HEATR5A: variants seen among roughly 807,000 people sequenced by gnomAD.
The protein encoded by HEATR5A is HEAT repeat-containing protein 5A.
A neutral mutation model predicts 218.8 loss-of-function variants in HEATR5A; 178 were observed. The ratio of observed to expected loss-of-function variants is 0.81; its 90% CI spans 0.72 to 0.92. HEATR5A has a LOEUF of 0.92. HEATR5A is among the 40% of genes least tolerant of loss of function. HEATR5A has a pLI of 0.00. For synonymous variants in HEATR5A, 864 were observed against 871.6 expected (o/e 0.99, Z 0.15); for missense variants, 2,420 against 2,418.9 (o/e 1.00, Z -0.01).
At chr14:31,354,849 A>G (rs1427348971) in intron 16 of HEATR5A, among the ~76,000 whole-genome samples, 1 of 152,200 alleles carries the variant, frequency 6.6e-6, no homozygotes, top group Non-Finnish European at 1.5e-5. Context: ...ATTTTTTACT[A>G]CTGAGAATTA....
chr14:31,339,449 C>T, intron 21 of HEATR5A, among the ~76,000 whole-genome samples: 1 of 67,466 alleles, frequency 1.5e-5, no homozygotes, highest in South Asian at 7.4e-4. Context: ...AACTGTGTCT[C>T]AAAAAAAAAA....
In HEATR5A at chr14:31,383,651, T is replaced by C; in HGVS notation, c.1466A>G (p.Asp489Gly). The C allele has an allele frequency of 1.2e-6, 2 of 1,613,972 alleles. No homozygotes were observed. The highest frequency in any genetic ancestry group is 1.7e-6 in the Non-Finnish European group (2 of 1,179,894). Residue 489 changes from aspartate (D) to glycine (G), a missense_variant, in exon 10 of 36, where the codon GAT (aspartate) becomes GGT (glycine). By Grantham distance (94) the Asp-to-Gly change is moderately conservative (BLOSUM62 -1). Coordinates refer to ENST00000543095, the MANE Select transcript of HEATR5A (RefSeq NM_015473.4). ...TCCAGTAAGCCGTTCAAGGCAACGA[T>C]CCAAGAGTGGTGTTAGGTAGGAGGG... ...ALPSYLTPLL[D>G]RCLERLTGHK... is the part of the protein sequence containing the mutation.
intron 7 of HEATR5A, among the ~76,000 whole-genome samples, chr14:31,388,336 GAT>G (rs1454759820): frequency 7.9e-5 from 12 of 152,138 alleles, no homozygotes; most frequent in African/African-American, 2.9e-4. Context: ...AAAGAAGGCA[GAT>G]ATCTCTTTGT....
intron 29 of HEATR5A, 105 bp downstream of exon 29, chr14:31,308,829 C>G: frequency 1.2e-6 from 1 of 834,640 alleles, no homozygotes; most frequent in Non-Finnish European, 1.8e-6. Context: ...GAGTTGAAAT[C>G]GTGCCACTGT....
intron 5 of HEATR5A, 132 bp from the exon 6 acceptor site, chr14:31,394,358 G>A: frequency 2.1e-6 from 1 of 486,306 alleles, no homozygotes; most frequent in South Asian, 4.6e-5. Context: ...ATGATTACAG[G>A]AATAATAAAT....
chr14:31,336,213 C>CATATATAT (rs371848651), intron 22 of HEATR5A, among the ~76,000 whole-genome samples: 68 of 90,674 alleles, frequency 7.5e-4, no homozygotes, highest in East Asian at 1.5e-3. Flanking sequence ...TATATACATA[C>CATATATAT]ATACATATAT....
chr14:31,403,744 A>T (rs1461105593), intron 1 of HEATR5A, among the ~76,000 whole-genome samples: 1 of 152,250 alleles, frequency 6.6e-6, no homozygotes, highest in African/African-American at 2.4e-5. Flanking sequence ...GTTGTAGCAA[A>T]CAATCAACAG....
chr14:31,375,924 T>TTTCTTTAAA (rs1902210664), intron 11 of HEATR5A, among the ~76,000 whole-genome samples: 1 of 152,206 alleles, frequency 6.6e-6, no homozygotes, highest in Non-Finnish European at 1.5e-5. Context: ...CCCAGGTACT[T>TTTCTTTAAA]TTCTTTAAAT....
At chr14:31,305,305 C>G (rs967148646) in intron 31 of HEATR5A, 128 bp from the exon 32 acceptor site, 11 of 939,554 alleles carry the variant, frequency 1.2e-5, no homozygotes, top group African/African-American at 1.7e-5. Context: ...CTCTGTCACA[C>G]AGGCTGGAGT....
Position 31,323,769 on chromosome 14 carries a change from C to T in HEATR5A, c.3583G>A (p.Glu1195Lys), listed in dbSNP as rs1370070294. The T allele has an allele frequency of 6.9e-6, 11 of 1,602,298 alleles. No individual in the cohort carries two copies. Among genetic ancestry groups the T allele is most frequent in the Non-Finnish European group, 9.4e-6 (11 of 1,169,644 alleles). The change falls in exon 24 of 36, where the codon GAA becomes AAA. Residue 1195 changes from glutamate to lysine, a missense_variant. By Grantham distance (56) the Glu-to-Lys change is moderately conservative. Transcript: ENST00000543095. ...TCATCCCCTTTATCTCCTTCTTCTTCTTGCATTGTATCCACACAAGTTACA... is the reference window on the plus strand; with the variant it reads ...TCATCCCCTTTATCTCCTTCTTCTTTTTGCATTGTATCCACACAAGTTACA... ...TAVTCVDTMQ[E>K]EEGDKGDDAS...
intron 7 of HEATR5A, 113 bp from the exon 8 acceptor site, chr14:31,387,488 C>A (rs2030276382): frequency 2.4e-6 from 2 of 845,062 alleles, no homozygotes; most frequent in Non-Finnish European, 3.6e-6. Flanking sequence ...AAATTGTATT[C>A]TTTCCTAATT....
chr14:31,337,574 AC>A lies in HEATR5A; in HGVS notation c.3268del (p.Val1090TyrfsTer31). 1 of 1,599,206 alleles carries A rather than the reference AC, an allele frequency of 6.3e-7. No homozygotes were observed. Among genetic ancestry groups the A allele is most frequent in the Non-Finnish European group, 8.5e-7 (1 of 1,172,548 alleles). ...TACAAGCTGACGTAAGCAAGCCAGT[AC>A]TGCTCTTCTCAGTAACAAGTAGGGG... ...CSPYLLLRRA[V>X]LACLRQLVQR... On this transcript the variant is annotated frameshift_variant, in exon 22 of 36. Coordinates refer to ENST00000543095, the MANE Select transcript of HEATR5A (RefSeq NM_015473.4). LOFTEE classifies it high-confidence loss of function.
chr14:31,295,976 G>T lies in HEATR5A; in HGVS notation c.5552C>A (p.Thr1851Asn), dbSNP rs1440710224. Residue 1851 changes from threonine (T) to asparagine (N), a missense_variant, in exon 34 of 36, where the codon ACC (threonine) becomes AAC (asparagine). By Grantham distance (65) the Thr-to-Asn change is moderately conservative (BLOSUM62 0). Transcript: ENST00000543095. The part of the protein sequence containing the change: ...FILSTSPEVT[T>N]IPCLQKRCID... The stretch of plus-strand genomic sequence containing the variant: ...ACAGCGCTTCTGAAGGCATGGGATG[G>T]TAGTTACTTCTGGACTGGTAGACAA... 6.2e-7 allele frequency: 1 copy of T among 1,613,320 alleles called. No individual in the cohort carries two copies. The highest frequency in any genetic ancestry group is 8.5e-7 in the Non-Finnish European group (1 of 1,179,392).
At chr14:31,333,455 T>G (rs1323156329) in intron 22 of HEATR5A, among the ~76,000 whole-genome samples, 1 of 152,048 alleles carries the variant, frequency 6.6e-6, no homozygotes, top group Non-Finnish European at 1.5e-5. Flanking sequence ...TTTCACCATG[T>G]TGGCCAGGCT....
At chr14:31,331,700 C>T (rs990132096) in intron 22 of HEATR5A, among the ~76,000 whole-genome samples, 2 of 152,146 alleles carry the variant, frequency 1.3e-5, no homozygotes, top group Admixed American at 1.3e-4. Flanking sequence ...AATTGACTCA[C>T]AATTCTGCAT....
At chr14:31,380,427 AAAGT>A in intron 11 of HEATR5A, 36 bp downstream of exon 11, 1 of 1,245,164 alleles carries the variant, frequency 8.0e-7, no homozygotes, top group Non-Finnish European at 1.2e-6. Context: ...CAGAAAACAC[AAAGT>A]ATTTCAAGGT....
At chr14:31,306,973 A>C (rs1899574728) in intron 30 of HEATR5A, 94 bp from the exon 31 acceptor site, 2 of 1,040,210 alleles carry the variant, frequency 1.9e-6, no homozygotes, top group Non-Finnish European at 2.7e-6. Context: ...AAAATTCAGA[A>C]AAACAGAATG....
chr14:31,355,473 C>T (rs1185745244), intron 16 of HEATR5A, among the ~76,000 whole-genome samples: 1 of 152,036 alleles, frequency 6.6e-6, no homozygotes, highest in Admixed American at 6.6e-5. Flanking sequence ...TGGCTCATGC[C>T]TATAATCTCA....
rs1435450863 is a variant in HEATR5A at position 31,313,149 on chromosome 14, T to C, written c.4260A>G (p.Gln1420=). ...CTAAACAGGTGGTAGTCTTCAAAGGTTGTCTGTGGTTTTTATGTCTTTGCA... is the reference window on the plus strand; with the variant it reads ...CTAAACAGGTGGTAGTCTTCAAAGGCTGTCTGTGGTTTTTATGTCTTTGCA... ...IAVQRHKNHR[Q]PLKTTTCLED... is the part of the protein sequence containing the mutation. Residue 1420 remains glutamine (Q), a synonymous_variant, in exon 28 of 36, where the codon CAA becomes CAG. Transcript: ENST00000543095. The C allele has an allele frequency of 1.2e-6, 2 of 1,613,762 alleles. No individual in the cohort carries two copies. Among genetic ancestry groups the C allele is most frequent in the Non-Finnish European group, 1.7e-6 (2 of 1,179,802 alleles).
Sources: allele counts gnomAD v4.1 joint callset (sites outside exome capture counted in the v4.1 genomes callset), GRCh38; gene constraint gnomAD v4.1.1; transcripts MANE v1.5; gene names NCBI Gene and HGNC (gene_info 2026-07-23, HGNC 2026-07-21).